The following NR3C2 variants were observed in gnomAD, a reference collection of about 807,000 sequenced individuals.
NR3C2 encodes nuclear receptor subfamily 3 group C member 2.
A neutral mutation model predicts 86.4 loss-of-function variants in NR3C2; 15 were observed. The ratio of observed to expected loss-of-function variants is 0.17; its 90% CI spans 0.12 to 0.27. The LOEUF is 0.27. Among genes scored for constraint, NR3C2 ranks in the 10% least tolerant of loss-of-function variants. NR3C2 has a pLI of 1.00. For synonymous variants in NR3C2, 458 were observed against 450.5 expected (o/e 1.02, Z -0.21); for missense variants, 960 against 1,195.6 (o/e 0.80, Z 2.91).
rs992791460 is a variant in NR3C2 at position 148,350,498 on chromosome 4, G to A, written c.1757+84606C>T. On this transcript the variant is annotated intron_variant, in intron 2 of 8. Coordinates refer to ENST00000358102, the MANE Select transcript of NR3C2 (RefSeq NM_000901.5). Reference sequence around the variant, plus strand: ...CATTTTAGAAATATCTCTAAAAGACGTTTTAAATCAGTTAACTACATTTCC... The same window carrying A: ...CATTTTAGAAATATCTCTAAAAGACATTTTAAATCAGTTAACTACATTTCC... 3.9e-5 allele frequency among the ~76,000 whole-genome samples: 6 copies of A among 152,232 alleles called. No individual in the cohort carries two copies. The East Asian group carries it at 9.6e-4, about 24-fold the overall frequency.
In NR3C2 at chr4:148,097,741, G is replaced by GTTTTTT. The variant is rs1180902227; in HGVS notation, c.2800-16248_2800-16243dup. On this transcript the variant is annotated intron_variant, in intron 8 of 8. Transcript: ENST00000358102. The stretch of plus-strand genomic sequence containing the variant: ...TTAAAACATGATGAGACTTTTTTGC[G>GTTTTTT]TTTTTTTTTGTTTTTTTTTTTTTTT... Among the ~76,000 whole-genome samples the GTTTTTT allele has an allele frequency of 1.6e-3, 175 of 107,448 alleles. 7 individuals carry two copies. The highest frequency in any genetic ancestry group is 2.1e-3 in the Non-Finnish European group (113 of 55,058). The allele number at this position is 107,448 out of a possible 152,430, so 70.5% of individuals were successfully genotyped here.
intron 2 of NR3C2, among the ~76,000 whole-genome samples, chr4:148,279,767 C>A (rs1741143847): frequency 2.0e-5 from 3 of 151,892 alleles, no homozygotes; most frequent in Admixed American, 1.3e-4. Flanking sequence ...CACTTTTTGC[C>A]CAGGCTGGAG....
intron 8 of NR3C2, among the ~76,000 whole-genome samples, chr4:148,096,248 T>C (rs1371978529): frequency 6.6e-6 from 1 of 152,106 alleles, no homozygotes; most frequent in Non-Finnish European, 1.5e-5. Flanking sequence ...GGAAATGTAA[T>C]GAAAGGGTGG....
intron 2 of NR3C2, among the ~76,000 whole-genome samples, chr4:148,304,328 CTTTTTTTT>C (rs35633620): frequency 2.5e-4 from 21 of 83,860 alleles, no homozygotes; most frequent in African/African-American, 6.2e-4. Flanking sequence ...GTTGTTGTTG[CTTTTTTTT>C]TTTTTTTTTT....
Position 148,279,967 on chromosome 4 carries a change from C to T in NR3C2, c.1758-19850G>A, listed in dbSNP as rs377671951. On this transcript the variant is annotated intron_variant, in intron 2 of 8. Transcript: ENST00000358102. Reference sequence around the variant, plus strand: ...CTTGAACTCCTGACCTCAGGTGATGCACCTGCCTCGGCCTCCCAAAGTACT... The same window carrying T: ...CTTGAACTCCTGACCTCAGGTGATGTACCTGCCTCGGCCTCCCAAAGTACT... Among the ~76,000 whole-genome samples, 4 of 152,206 alleles carry T rather than the reference C, an allele frequency of 2.6e-5. No homozygotes were observed. In the East Asian group the frequency reaches 5.8e-4, roughly 22 times the overall value.
intron 2 of NR3C2, among the ~76,000 whole-genome samples, chr4:148,428,874 T>C (rs1380767724): frequency 1.3e-5 from 2 of 152,202 alleles, no homozygotes; most frequent in Admixed American, 6.5e-5. Context: ...TCTCCTGCCA[T>C]GTCCTGCTCC....
chr4:148,403,165 A>G (rs2126539054), intron 2 of NR3C2, among the ~76,000 whole-genome samples: 1 of 152,240 alleles, frequency 6.6e-6, no homozygotes, highest in Admixed American at 6.5e-5. Flanking sequence ...AATTACAAAA[A>G]TAGTCTACAG....
chr4:148,118,221 T>C (rs2149731511), intron 7 of NR3C2, among the ~76,000 whole-genome samples: 2 of 152,286 alleles, frequency 1.3e-5, no homozygotes, highest in South Asian at 4.1e-4. Context: ...TCTCCTCCCA[T>C]ACTTGGTTCC....
intron 3 of NR3C2, among the ~76,000 whole-genome samples, chr4:148,228,009 G>A (rs1292040424): frequency 1.3e-5 from 2 of 152,138 alleles, no homozygotes; most frequent in South Asian, 2.1e-4. Flanking sequence ...TTGTTACTGG[G>A]TGTCACTGTA....
At position 148,332,247 on chromosome 4, in the gene NR3C2, T is replaced by C. The variant is rs181641830; in HGVS notation, c.1758-72130A>G. Among the ~76,000 whole-genome samples, 1,062 of 152,306 alleles carry C rather than the reference T, an allele frequency of 7.0e-3. 9 individuals are homozygous for C. Among genetic ancestry groups the C allele is most frequent in the Non-Finnish European group, 0.011 (716 of 68,018 alleles). On this transcript the variant is annotated intron_variant, in intron 2 of 8. Coordinates refer to ENST00000358102, the MANE Select transcript of NR3C2 (RefSeq NM_000901.5). ...ATAAATCTATGCAAGCATATAATCATGGCAACAAATAACTGCAAATAATAA... is the reference window on the plus strand; with the variant it reads ...ATAAATCTATGCAAGCATATAATCACGGCAACAAATAACTGCAAATAATAA...
intron 3 of NR3C2, among the ~76,000 whole-genome samples, chr4:148,222,004 GTA>G (rs1434524329): frequency 1.3e-5 from 2 of 151,716 alleles, no homozygotes; most frequent in Non-Finnish European, 2.9e-5. Context: ...ATGTATGTGT[GTA>G]TATAGTAAAA....
At chr4:148,194,294 T>C (rs891311297) in intron 4 of NR3C2, among the ~76,000 whole-genome samples, 4 of 152,196 alleles carry the variant, frequency 2.6e-5, no homozygotes, top group African/African-American at 9.6e-5. Flanking sequence ...CCTCCTCTTT[T>C]GATGAGCCAC....
intron 6 of NR3C2, chr4:148,146,348 T>A (rs1376064320): frequency 1.3e-5 from 2 of 152,630 alleles, no homozygotes; most frequent in Admixed American, 6.5e-5. Flanking sequence ...AATCCTCTGA[T>A]GCCAGCCTCC....
At chr4:148,158,309 T>C (rs1207223069) in intron 4 of NR3C2, among the ~76,000 whole-genome samples, 4 of 152,252 alleles carry the variant, frequency 2.6e-5, no homozygotes, top group Non-Finnish European at 5.9e-5. Flanking sequence ...CTGACGACTC[T>C]ATCAGAGCTT....
intron 4 of NR3C2, among the ~76,000 whole-genome samples, chr4:148,168,660 C>T (rs1304295972): frequency 6.6e-6 from 1 of 152,194 alleles, no homozygotes. Context: ...GGCTAAAAAC[C>T]TCTCCCAAGG....
At chr4:148,381,232 GAA>G (rs5862837) in intron 2 of NR3C2, among the ~76,000 whole-genome samples, 3,032 of 134,012 alleles carry the variant, frequency 0.023, 109 homozygotes, top group African/African-American at 0.075. Flanking sequence ...TGTCTCAAAA[GAA>G]AAAAAAAAAA....
At chr4:148,291,147 ATTAT>A (rs1741780013) in intron 2 of NR3C2, among the ~76,000 whole-genome samples, 1 of 152,068 alleles carries the variant, frequency 6.6e-6, no homozygotes, top group Non-Finnish European at 1.5e-5. Context: ...AATGATCCAC[ATTAT>A]TTAAAGGCCA....
chr4:148,367,943 AG>A (rs1274904008), intron 2 of NR3C2, among the ~76,000 whole-genome samples: 3 of 151,160 alleles, frequency 2.0e-5, no homozygotes, highest in African/African-American at 7.3e-5. Flanking sequence ...GAGGCACCAG[AG>A]CAACCGTCTT....
intron 2 of NR3C2, among the ~76,000 whole-genome samples, chr4:148,384,275 A>G (rs1747154134): frequency 6.6e-6 from 1 of 152,158 alleles, no homozygotes; most frequent in Non-Finnish European, 1.5e-5. Context: ...CAAATTATCA[A>G]TATGAGAATA....
Sources: gnomAD v4.1 joint callset for allele counts (sites outside exome capture counted in the v4.1 genomes callset) on GRCh38, gnomAD v4.1.1 for gene constraint, MANE v1.5 for transcripts, NCBI Gene and HGNC (gene_info 2026-07-23, HGNC 2026-07-21) for gene names.